The following RAPGEF2 variants were observed in gnomAD, a reference collection of about 807,000 sequenced individuals.
The protein encoded by RAPGEF2 is PDZ domain containing guanine nucleotide exchange factor (GEF) 1.
A neutral mutation model predicts 186.7 loss-of-function variants in RAPGEF2; 54 were observed. The ratio of observed to expected loss-of-function variants is 0.29; its 90% CI spans 0.23 to 0.36. The LOEUF is 0.36. Ranked by LOEUF, RAPGEF2 falls within the 10% of genes least tolerant of loss-of-function variation. The pLI is 1.00. For missense variants in RAPGEF2, 1,532 were observed against 2,045.0 expected (o/e 0.75, Z 4.84); for synonymous variants, 712 against 705.9 (o/e 1.01, Z -0.14).
chr4:159,355,941 C>A lies in RAPGEF2; in HGVS notation c.4740C>A (p.Ser1580=). 6.2e-7 allele frequency: 1 copy of A among 1,603,704 alleles called. No homozygotes were observed. The highest frequency in any genetic ancestry group is 1.1e-5 in the South Asian group (1 of 89,426). The change falls in exon 29 of 30, where the codon TCC becomes TCA. Residue 1580 remains serine, a synonymous_variant. Transcript: ENST00000691494. Reference sequence around the variant, plus strand: ...TTACTGACTTTCCAGAAGGGCACTCCCATCCAGCCAGGAAACCGCCGGACT... The same window carrying A: ...TTACTGACTTTCCAGAAGGGCACTCACATCCAGCCAGGAAACCGCCGGACT... ...IPITDFPEGH[S]HPARKPPDYN...
chr4:159,349,719 T>C (rs1457341993), intron 25 of RAPGEF2, among the ~76,000 whole-genome samples: 1 of 152,110 alleles, frequency 6.6e-6, no homozygotes, highest in Non-Finnish European at 1.5e-5. Flanking sequence ...TTTCCAAGGA[T>C]ACAAAACAGT....
chr4:159,245,085 T>C (rs946655161), intron 7 of RAPGEF2, among the ~76,000 whole-genome samples: 1 of 151,968 alleles, frequency 6.6e-6, no homozygotes, highest in Non-Finnish European at 1.5e-5. Flanking sequence ...AATTCCAACT[T>C]AGAACTTGGA....
At chr4:159,121,127 A>C (rs1739632040) in intron 1 of RAPGEF2, among the ~76,000 whole-genome samples, 1 of 152,188 alleles carries the variant, frequency 6.6e-6, no homozygotes, top group South Asian at 2.1e-4. Flanking sequence ...TGCTGGAATT[A>C]CAGGCGTGAG....
intron 25 of RAPGEF2, among the ~76,000 whole-genome samples, chr4:159,348,251 GA>G (rs1730674916): frequency 3.2e-5 from 2 of 63,188 alleles, no homozygotes; most frequent in African/African-American, 8.6e-5. Flanking sequence ...TAGATGGATG[GA>G]TGGATGGATG....
chr4:159,303,632 AT>A (rs1164335017), intron 7 of RAPGEF2, among the ~76,000 whole-genome samples: 1 of 148,806 alleles, frequency 6.7e-6, no homozygotes, highest in African/African-American at 2.6e-5. Flanking sequence ...TATTTGTCAA[AT>A]AAGCGGTTTT....
chr4:159,212,821 A>T (rs1750656711), intron 4 of RAPGEF2, among the ~76,000 whole-genome samples: 1 of 152,226 alleles, frequency 6.6e-6, no homozygotes, highest in South Asian at 2.1e-4. Context: ...ACCCTAGAAC[A>T]GTGAAGAAGC....
At chr4:159,198,900 C>T (rs551276271) in intron 3 of RAPGEF2, among the ~76,000 whole-genome samples, 51 of 151,130 alleles carry the variant, frequency 3.4e-4, no homozygotes, top group African/African-American at 1.1e-3. Context: ...GGCAACATGG[C>T]GAAACCCCAT....
intron 1 of RAPGEF2, among the ~76,000 whole-genome samples, chr4:159,171,683 A>AT (rs1745919649): frequency 1.8e-5 from 2 of 111,276 alleles, no homozygotes; most frequent in Non-Finnish European, 3.5e-5. Flanking sequence ...GTGTCTCTTA[A>AT]ATTTTTTTTT....
intron 7 of RAPGEF2, among the ~76,000 whole-genome samples, chr4:159,298,126 A>G (rs141029661): frequency 1.7e-3 from 257 of 152,340 alleles, no homozygotes; most frequent in African/African-American, 5.7e-3. Context: ...AGTTACATCA[A>G]CACCTTAAAA....
At chr4:159,187,497 G>A (rs1217295831) in intron 2 of RAPGEF2, among the ~76,000 whole-genome samples, 2 of 152,156 alleles carry the variant, frequency 1.3e-5, no homozygotes, top group African/African-American at 2.4e-5. Flanking sequence ...ATCATTTAAA[G>A]AATTACTAGG....
At chr4:159,236,413 T>TGGA (rs1753263835) in intron 4 of RAPGEF2, among the ~76,000 whole-genome samples, 2 of 152,216 alleles carry the variant, frequency 1.3e-5, no homozygotes, top group Admixed American at 6.5e-5. Context: ...CCTTAAATCC[T>TGGA]GGAGTGGTGA....
At chr4:159,331,578 A>G (rs1766686227) in intron 14 of RAPGEF2, 40 bp downstream of exon 14, 1 of 1,610,774 alleles carries the variant, frequency 6.2e-7, no homozygotes. Context: ...CTTAAAGTTC[A>G]TTTTATTCAG....
At chr4:159,138,949 C>T (rs1742024688) in intron 1 of RAPGEF2, among the ~76,000 whole-genome samples, 1 of 152,146 alleles carries the variant, frequency 6.6e-6, no homozygotes, top group Admixed American at 6.5e-5. Context: ...ATAGGTAAAG[C>T]AGAAGGATGA....
intron 3 of RAPGEF2, among the ~76,000 whole-genome samples, chr4:159,209,176 G>A (rs1477559112): frequency 8.2e-6 from 1 of 122,274 alleles, no homozygotes; most frequent in Non-Finnish European, 1.6e-5. Context: ...ATAGGTGTGA[G>A]CCACCATGCC....
At chr4:159,351,177 G>T in intron 26 of RAPGEF2, 1 of 1,534,098 alleles carries the variant, frequency 6.5e-7, no homozygotes, top group African/African-American at 1.4e-5. Flanking sequence ...GGACCTATGG[G>T]ATAGGTGGGG....
chr4:159,341,260 T>C (rs1729435312), intron 19 of RAPGEF2, among the ~76,000 whole-genome samples: 1 of 152,242 alleles, frequency 6.6e-6, no homozygotes, highest in Non-Finnish European at 1.5e-5. Context: ...GGATATTTTC[T>C]GTTATTTTTA....
chr4:159,268,313 T>C (rs1399082145), intron 7 of RAPGEF2: 21 of 1,035,038 alleles, frequency 2.0e-5, no homozygotes, highest in Non-Finnish European at 3.1e-5. Context: ...AAAACAGTTT[T>C]TGTAGAAGGT....
rs781582202 is a variant in RAPGEF2, at chr4:159,338,319, G to A, written c.2144G>A (p.Gly715Glu). 2 of 1,611,032 alleles carry A rather than the reference G, an allele frequency of 1.2e-6. No individual in the cohort carries two copies. The highest frequency in any genetic ancestry group is 1.1e-5 in the South Asian group (1 of 90,368). Residue 715 changes from glycine to glutamate, a missense_variant, in exon 18 of 30, where the codon GGG (glycine) becomes GAG (glutamate). Coordinates refer to ENST00000691494, the MANE Select transcript of RAPGEF2 (RefSeq NM_001394067.2). ...TTTTCCTCTTTGTTCAGTGATATTG[G>A]GATTGGTCAGTCTCAAGATGACAGC... is the stretch of plus-strand genomic sequence containing the variant. Reference protein sequence around the residue: ...ILPQKPYNDIGIGQSQDDSIV... With the variant: ...ILPQKPYNDIEIGQSQDDSIV...
intron 1 of RAPGEF2, among the ~76,000 whole-genome samples, chr4:159,184,593 A>AT (rs1747365644): frequency 1.3e-5 from 2 of 151,788 alleles, no homozygotes; most frequent in East Asian, 1.9e-4. Flanking sequence ...GGGTTATTTG[A>AT]TTTTTTTCTT....
Sources: allele counts gnomAD v4.1 joint callset (sites outside exome capture counted in the v4.1 genomes callset), GRCh38; gene constraint gnomAD v4.1.1; transcripts MANE v1.5; gene names NCBI Gene and HGNC (gene_info 2026-07-23, HGNC 2026-07-21).